DOK6: variants seen among roughly 807,000 people sequenced by gnomAD.
DOK6 encodes the protein downstream of tyrosine kinase 6.
A neutral mutation model predicts 44.0 loss-of-function variants in DOK6; 22 were observed. The ratio of observed to expected loss-of-function variants is 0.50; its 90% CI spans 0.36 to 0.71. The LOEUF is 0.71. Ranked by LOEUF, DOK6 falls within the 30% of genes least tolerant of loss-of-function variation. The pLI is 0.00. For missense variants in DOK6, 340 were observed against 416.4 expected, an observed-to-expected ratio of 0.82 and a Z score of 1.60; for synonymous variants, 166 against 145.5, an observed-to-expected ratio of 1.14 and a Z score of -1.01.
At chr18:69,801,174 C>G (rs986650938) in intron 7 of DOK6, among the ~76,000 whole-genome samples, 1 of 151,880 alleles carries the variant, frequency 6.6e-6, no homozygotes, top group Non-Finnish European at 1.5e-5. Context: ...TTTTAATCAG[C>G]CTTTTCCTCA....
chr18:69,761,555 G>C (rs1393004288), intron 7 of DOK6, among the ~76,000 whole-genome samples: 1 of 152,112 alleles, frequency 6.6e-6, no homozygotes, highest in African/African-American at 2.4e-5. Context: ...TTCTGTAACT[G>C]CTTCCTGCTG....
At chr18:69,758,398 T>C (rs976593117) in intron 7 of DOK6, among the ~76,000 whole-genome samples, 2 of 152,086 alleles carry the variant, frequency 1.3e-5, no homozygotes, top group Non-Finnish European at 2.9e-5. Flanking sequence ...ATACTTTGCC[T>C]TTGTACTTTT....
intron 5 of DOK6, among the ~76,000 whole-genome samples, chr18:69,719,315 G>A (rs1482911638): frequency 6.6e-6 from 1 of 152,168 alleles, no homozygotes; most frequent in Admixed American, 6.5e-5. Context: ...TCTGGGTGAG[G>A]GGTCAACAGG....
At chr18:69,494,553 A>T (rs987655986) in intron 1 of DOK6, among the ~76,000 whole-genome samples, 2 of 152,190 alleles carry the variant, frequency 1.3e-5, no homozygotes, top group African/African-American at 4.8e-5. Context: ...ATAGTTAGGC[A>T]CAAGGGAGAA....
intron 7 of DOK6, among the ~76,000 whole-genome samples, chr18:69,836,478 AATGTGAT>A (rs1982057676): frequency 6.6e-6 from 1 of 152,002 alleles, no homozygotes; most frequent in Non-Finnish European, 1.5e-5. Flanking sequence ...CTATGAGATA[AATGTGAT>A]ATGTTTTTTT....
At chr18:69,605,449 CAT>C (rs936264652) in intron 3 of DOK6, among the ~76,000 whole-genome samples, 10 of 152,096 alleles carry the variant, frequency 6.6e-5, no homozygotes, top group African/African-American at 2.4e-4. Flanking sequence ...ATTCACTTAA[CAT>C]AGATGACAGT....
chr18:69,721,156 T>C (rs1599285565), intron 5 of DOK6, among the ~76,000 whole-genome samples: 1 of 152,224 alleles, frequency 6.6e-6, no homozygotes. Flanking sequence ...TTTTGTATTA[T>C]TGTCAGGAGC....
chr18:69,782,316 A>G (rs557138233), intron 7 of DOK6, among the ~76,000 whole-genome samples: 1 of 148,224 alleles, frequency 6.7e-6, no homozygotes, highest in Non-Finnish European at 1.5e-5. Flanking sequence ...GGTTCACGCC[A>G]TTCTCCTCCC....
chr18:69,841,385 A>C lies in DOK6; in HGVS notation c.*2A>C. The C allele has an allele frequency of 6.2e-7, 1 of 1,614,146 alleles. No homozygotes were observed. The highest frequency in any genetic ancestry group is 8.5e-7 in the Non-Finnish European group (1 of 1,180,002). ...TACAGCTCCAGCCTCATCCAATGACACACAGAGAGCCGCTGTTGACTAGAG... is the reference window on the plus strand; with the variant it reads ...TACAGCTCCAGCCTCATCCAATGACCCACAGAGAGCCGCTGTTGACTAGAG... On this transcript the variant is annotated 3_prime_UTR_variant, in exon 8 of 8. Coordinates refer to ENST00000382713, the MANE Select transcript of DOK6 (RefSeq NM_152721.6).
chr18:69,598,936 A>G (rs1395250593), intron 2 of DOK6, among the ~76,000 whole-genome samples: 1 of 152,164 alleles, frequency 6.6e-6, no homozygotes, highest in Non-Finnish European at 1.5e-5. Flanking sequence ...CTTGCTTTCC[A>G]GTCACTTTTC....
chr18:69,773,658 C>T (rs1265314554), intron 7 of DOK6, among the ~76,000 whole-genome samples: 1 of 151,880 alleles, frequency 6.6e-6, no homozygotes. Flanking sequence ...AAGCAGGGAA[C>T]AGAATGTGCT....
intron 7 of DOK6, among the ~76,000 whole-genome samples, chr18:69,825,674 A>C (rs757258633): frequency 6.0e-4 from 91 of 151,916 alleles, no homozygotes; most frequent in Non-Finnish European, 1.0e-3. Context: ...CATAACTTCT[A>C]TTCAAGATTT....
At chr18:69,727,347 T>C (rs1978314947) in intron 5 of DOK6, among the ~76,000 whole-genome samples, 2 of 152,050 alleles carry the variant, frequency 1.3e-5, no homozygotes, top group Non-Finnish European at 2.9e-5. Context: ...TCTAAGTCAT[T>C]GGAGCCTGTT....
Position 69,757,856 on chromosome 18 carries a change from A to C in DOK6, c.839A>C (p.Glu280Ala). The part of the protein sequence containing the change: ...HHITRQNSVG[E>A]IYSLQGHGFG... ...ATCACTCGTCAGAACAGCGTTGGTG[A>C]AATCTACAGTTTGCAAGGCAAGTCA... The change falls in exon 7 of 8, where the codon GAA becomes GCA. Residue 280 changes from glutamate (E) to alanine (A), a missense_variant. This residue lies in a region of DOK6 where 112 missense variants were observed against 109.3 expected (regional missense o/e 1.02). Coordinates refer to ENST00000382713, the MANE Select transcript of DOK6 (RefSeq NM_152721.6). 6.2e-7 allele frequency: 1 copy of C among 1,614,086 alleles called. No homozygotes were observed. Among genetic ancestry groups the C allele is most frequent in the Non-Finnish European group, 8.5e-7 (1 of 1,179,922 alleles).
intron 7 of DOK6, among the ~76,000 whole-genome samples, chr18:69,814,304 T>C (rs1186664643): frequency 6.6e-6 from 1 of 152,128 alleles, no homozygotes; most frequent in East Asian, 1.9e-4. Context: ...CCAAAGTGTA[T>C]GTGCACTTTT....
At chr18:69,577,110 G>A (rs1226159837) in intron 2 of DOK6, among the ~76,000 whole-genome samples, 1 of 152,020 alleles carries the variant, frequency 6.6e-6, no homozygotes, top group Admixed American at 6.6e-5. Context: ...TTTATCCTTA[G>A]GTAAAGCAAA....
At chr18:69,455,048 TTAAAG>T (rs1256155317) in intron 1 of DOK6, among the ~76,000 whole-genome samples, 1 of 142,316 alleles carries the variant, frequency 7.0e-6, no homozygotes, top group Non-Finnish European at 1.5e-5. Flanking sequence ...ACCCTAAAAC[TTAAAG>T]TATAATAAAA....
intron 6 of DOK6, among the ~76,000 whole-genome samples, chr18:69,757,145 T>A (rs1979380704): frequency 6.6e-6 from 1 of 152,228 alleles, no homozygotes; most frequent in Non-Finnish European, 1.5e-5. Flanking sequence ...CACAGTTTTA[T>A]CACAGTGTTT....
intron 1 of DOK6, among the ~76,000 whole-genome samples, chr18:69,515,647 T>C (rs888327057): frequency 2.6e-5 from 4 of 152,116 alleles, no homozygotes. Context: ...CAACAGGAAA[T>C]GAATTAGAGA....
Sources: gnomAD v4.1 joint callset for allele counts (sites outside exome capture counted in the v4.1 genomes callset) on GRCh38, gnomAD v4.1.1 for gene constraint, gnomAD v4.1.1 regional missense constraint, MANE v1.5 for transcripts, NCBI Gene and HGNC (gene_info 2026-07-23, HGNC 2026-07-21) for gene names.